CDYL2: variants seen among roughly 807,000 people sequenced by gnomAD.
CDYL2 encodes chromodomain Y-like protein 2.
CDYL2 carries 23 observed loss-of-function variants against 49.4 expected under a neutral mutation model. The observed-to-expected ratio is 0.47, with a 90% confidence interval of 0.34 to 0.66. The LOEUF is 0.66. CDYL2 is among the 30% of genes least tolerant of loss of function. The probability of loss-of-function intolerance (pLI) is 0.01; values close to 1 mark genes in which losing one functional copy is unlikely to be tolerated. For missense variants in CDYL2, 678 were observed against 656.4 expected (o/e 1.03, Z -0.36); for synonymous variants, 360 against 268.8 (o/e 1.34, Z -3.32).
chr16:80,606,328 C>A (rs1036945484), intron 6 of CDYL2, among the ~76,000 whole-genome samples: 1 of 152,220 alleles, frequency 6.6e-6, no homozygotes, highest in Non-Finnish European at 1.5e-5. Flanking sequence ...GCAGCAGAGA[C>A]CTCCTTGCAG....
intron 1 of CDYL2, among the ~76,000 whole-genome samples, chr16:80,795,540 C>T (rs147667434): frequency 0.012 from 1,782 of 152,272 alleles, 33 homozygotes; most frequent in African/African-American, 0.04. Flanking sequence ...CTGCACAACA[C>T]AGAAGCATGA....
intron 2 of CDYL2, among the ~76,000 whole-genome samples, chr16:80,683,530 T>C (rs576354402): frequency 2.4e-4 from 36 of 152,170 alleles, no homozygotes; most frequent in African/African-American, 6.3e-4. Context: ...ACACAACATA[T>C]GCAGGCTGTG....
intron 1 of CDYL2, among the ~76,000 whole-genome samples, chr16:80,693,337 G>T (rs1286912352): frequency 6.6e-6 from 1 of 151,926 alleles, no homozygotes; most frequent in African/African-American, 2.4e-5. Context: ...AATAAAAAGA[G>T]GAAATATGCA....
At position 80,804,393 on chromosome 16, in the gene CDYL2, A is replaced by G. The variant is rs867608209; in HGVS notation, c.-220T>C. ...CGGCGGGGCTGGCGTAACCGGCAGC[A>G]GCGGCGGCGGCGGCGGCGGCGGCAC... On this transcript the variant is annotated 5_prime_UTR_variant, in exon 1 of 7. Coordinates refer to ENST00000570137, the MANE Select transcript of CDYL2 (RefSeq NM_152342.4). 1.1e-4 allele frequency: 19 copies of G among 178,688 alleles called. No individual in the cohort carries two copies. In the East Asian group the frequency reaches 2.1e-3, roughly 19 times the overall value. 11.1% of individuals were successfully genotyped at this position (178,688 alleles called of 1,614,324 possible). A position where few individuals can be genotyped will look rare whatever the true frequency, so the allele number is the denominator to read the frequency against.
intron 1 of CDYL2, among the ~76,000 whole-genome samples, chr16:80,783,780 G>A (rs916673956): frequency 6.6e-6 from 1 of 152,138 alleles, no homozygotes; most frequent in Non-Finnish European, 1.5e-5. Flanking sequence ...ACATTAGGCT[G>A]AGTTTTAAAA....
chr16:80,698,930 C>T (rs58024246), intron 1 of CDYL2, among the ~76,000 whole-genome samples: 2,741 of 152,066 alleles, frequency 0.018, 94 homozygotes, highest in African/African-American at 0.062. Flanking sequence ...TCACTAATCA[C>T]CAGGAAAATG....
intron 2 of CDYL2, among the ~76,000 whole-genome samples, chr16:80,656,338 C>G (rs551538795): frequency 1.6e-4 from 25 of 152,236 alleles, no homozygotes; most frequent in Non-Finnish European, 3.2e-4. Context: ...GCATTCCAGG[C>G]ACAGAGGGGA....
chr16:80,803,361 G>C (rs192357487), intron 1 of CDYL2, among the ~76,000 whole-genome samples: 56 of 152,138 alleles, frequency 3.7e-4, no homozygotes, highest in African/African-American at 1.3e-3. Context: ...TGGGCGCTGG[G>C]CTGGCATCTG....
intron 1 of CDYL2, among the ~76,000 whole-genome samples, chr16:80,724,610 T>A (rs1905106784): frequency 6.6e-6 from 1 of 152,242 alleles, no homozygotes; most frequent in Admixed American, 6.5e-5. Flanking sequence ...CAGTGTGTAT[T>A]GCCTGTAATA....
intron 2 of CDYL2, among the ~76,000 whole-genome samples, chr16:80,634,596 G>A (rs1907732978): frequency 6.6e-6 from 1 of 152,084 alleles, no homozygotes; most frequent in South Asian, 2.1e-4. Flanking sequence ...GTATACATAT[G>A]TAACCTGCAC....
chr16:80,653,015 T>C (rs550579510), intron 2 of CDYL2, among the ~76,000 whole-genome samples: 1 of 152,146 alleles, frequency 6.6e-6, no homozygotes, highest in Non-Finnish European at 1.5e-5. Flanking sequence ...AAGTATGAAC[T>C]TCAGTTCATA....
intron 1 of CDYL2, among the ~76,000 whole-genome samples, chr16:80,692,422 G>T (rs182174046): frequency 1.5e-3 from 227 of 152,262 alleles, no homozygotes; most frequent in African/African-American, 5.2e-3. Context: ...GGGGGAAGAA[G>T]ATAACTCATC....
intron 3 of CDYL2, among the ~76,000 whole-genome samples, chr16:80,625,845 C>T (rs141770367): frequency 6.6e-6 from 1 of 152,148 alleles, no homozygotes; most frequent in Non-Finnish European, 1.5e-5. Context: ...AAATTCTTCA[C>T]TCAGCTAAAT....
In CDYL2 at chr16:80,678,606, G is replaced by T. The variant is rs532602695; in HGVS notation, c.616+5932C>A. On this transcript the variant is annotated intron_variant, in intron 2 of 6. Coordinates refer to ENST00000570137, the MANE Select transcript of CDYL2 (RefSeq NM_152342.4). ...AGAATGGCAATCATTAAAAAGTCAGGAAACAACAGGTGCTGGAGAGGATGT... is the reference window on the plus strand; with the variant it reads ...AGAATGGCAATCATTAAAAAGTCAGTAAACAACAGGTGCTGGAGAGGATGT... Among the ~76,000 whole-genome samples, 4 of 150,148 alleles carry T rather than the reference G, an allele frequency of 2.7e-5. No homozygotes were observed. The East Asian group carries it at 7.8e-4, about 29-fold the overall frequency.
chr16:80,725,407 T>C (rs2142531355), intron 1 of CDYL2, among the ~76,000 whole-genome samples: 1 of 152,334 alleles, frequency 6.6e-6, no homozygotes, highest in South Asian at 2.1e-4. Context: ...ATGGTGACGA[T>C]CCACTTCTAC....
intron 1 of CDYL2, among the ~76,000 whole-genome samples, chr16:80,711,538 A>G (rs1904595952): frequency 6.6e-6 from 1 of 152,218 alleles, no homozygotes; most frequent in African/African-American, 2.4e-5. Flanking sequence ...CGCAGGATGC[A>G]AAGTGGAAGA....
chr16:80,657,893 T>A (rs1597153283), intron 2 of CDYL2, among the ~76,000 whole-genome samples: 1 of 152,090 alleles, frequency 6.6e-6, no homozygotes, highest in South Asian at 2.1e-4. Flanking sequence ...TACTGGAAAC[T>A]ACCTAAATGT....
chr16:80,641,528 A>G (rs1908085348), intron 2 of CDYL2, among the ~76,000 whole-genome samples: 1 of 152,154 alleles, frequency 6.6e-6, no homozygotes, highest in Non-Finnish European at 1.5e-5. Flanking sequence ...GGATGTTAAG[A>G]AAATGTGGCA....
chr16:80,762,619 C>G (rs577126409), intron 1 of CDYL2, among the ~76,000 whole-genome samples: 1 of 152,306 alleles, frequency 6.6e-6, no homozygotes, highest in African/African-American at 2.4e-5. Flanking sequence ...TATTTCATAC[C>G]TGCTAATTCA....
Sources: gnomAD v4.1 joint callset for allele counts (sites outside exome capture counted in the v4.1 genomes callset) on GRCh38, gnomAD v4.1.1 for gene constraint, MANE v1.5 for transcripts, NCBI Gene and HGNC (gene_info 2026-07-23, HGNC 2026-07-21) for gene names.